DCC: variants seen among roughly 807,000 people sequenced by gnomAD.
DCC encodes DCC netrin 1 receptor, also known as netrin receptor DCC.
In DCC, 58 loss-of-function variants were observed where a neutral mutation model predicts 172.5. The ratio of observed to expected loss-of-function variants is 0.34; its 90% confidence interval spans 0.27 to 0.42. The LOEUF is 0.42. DCC is among the 10% of genes least tolerant of loss of function. The probability of loss-of-function intolerance (pLI) is 1.00; values close to 1 mark genes in which losing one functional copy is unlikely to be tolerated. For synonymous variants in DCC, 709 were observed against 644.5 expected, an observed-to-expected ratio of 1.10 and a Z score of -1.52; for missense variants, 1,740 against 1,791.0, an observed-to-expected ratio of 0.97 and a Z score of 0.51.
At chr18:53,331,315 C>T (rs561662499) in intron 14 of DCC, among the ~76,000 whole-genome samples, 1 of 152,314 alleles carries the variant, frequency 6.6e-6, no homozygotes, top group Admixed American at 6.5e-5. Flanking sequence ...ATTCATTTAG[C>T]ATACCACTTG....
chr18:52,530,348 G>T (rs942893348), intron 1 of DCC, among the ~76,000 whole-genome samples: 1 of 152,160 alleles, frequency 6.6e-6, no homozygotes, highest in Non-Finnish European at 1.5e-5. Context: ...AAGAAAAACA[G>T]TAAGTTGGAG....
intron 20 of DCC, among the ~76,000 whole-genome samples, chr18:53,414,329 A>G (rs1910171565): frequency 6.6e-6 from 1 of 152,150 alleles, no homozygotes; most frequent in Non-Finnish European, 1.5e-5. Flanking sequence ...GTAAGGTGGT[A>G]GATCATATAC....
chr18:52,452,388 G>A (rs908666839), intron 1 of DCC, among the ~76,000 whole-genome samples: 16 of 151,970 alleles, frequency 1.1e-4, no homozygotes, highest in East Asian at 3.9e-4. Context: ...AAATTATTCC[G>A]AAAGAAGTTC....
intron 1 of DCC, among the ~76,000 whole-genome samples, chr18:52,656,466 C>T (rs931154805): frequency 2.6e-5 from 4 of 152,120 alleles, no homozygotes; most frequent in African/African-American, 9.7e-5. Flanking sequence ...GTTTATAAGC[C>T]ACTCAGTCTA....
intron 5 of DCC, among the ~76,000 whole-genome samples, chr18:53,009,601 A>C (rs2041697620): frequency 6.6e-6 from 1 of 151,954 alleles, no homozygotes; most frequent in Non-Finnish European, 1.5e-5. Flanking sequence ...TTTTGTACCA[A>C]TGCATGTTTC....
At chr18:52,960,293 A>T (rs745374658) in intron 5 of DCC, among the ~76,000 whole-genome samples, 1 of 152,128 alleles carries the variant, frequency 6.6e-6, no homozygotes, top group Non-Finnish European at 1.5e-5. Context: ...TGTAATTAAA[A>T]TTTTTTAACA....
chr18:53,235,424 G>C (rs1021078179), intron 12 of DCC, among the ~76,000 whole-genome samples: 1 of 152,094 alleles, frequency 6.6e-6, no homozygotes, highest in African/African-American at 2.4e-5. Context: ...CAAGAAGAAA[G>C]AACTCCTAGA....
intron 2 of DCC, among the ~76,000 whole-genome samples, chr18:52,804,910 T>C (rs1254444231): frequency 3.3e-5 from 5 of 152,218 alleles, no homozygotes; most frequent in Non-Finnish European, 7.3e-5. Flanking sequence ...AAAATATGCC[T>C]GGTGTTTCTT....
chr18:52,641,658 C>A lies in DCC; in HGVS notation c.92-110396C>A, dbSNP rs537131101. 5.5e-4 allele frequency among the ~76,000 whole-genome samples: 83 copies of A among 152,146 alleles called. 1 individual carries two copies. The South Asian group carries it at 8.7e-3, about 16-fold the overall frequency. On this transcript the variant is annotated intron_variant, in intron 1 of 28. Coordinates refer to ENST00000442544, the MANE Select transcript of DCC (RefSeq NM_005215.4). ...ATCAGGGAAATGCAAATCAAAACCACAATGCAATACCACCTTATTCCTGCA... is the reference window on the plus strand; with the variant it reads ...ATCAGGGAAATGCAAATCAAAACCAAAATGCAATACCACCTTATTCCTGCA...
At chr18:52,553,671 C>A (rs1013925961) in intron 1 of DCC, among the ~76,000 whole-genome samples, 1 of 151,842 alleles carries the variant, frequency 6.6e-6, no homozygotes, top group African/African-American at 2.4e-5. Context: ...ACAATAATGA[C>A]AGTGTAAGGA....
intron 1 of DCC, among the ~76,000 whole-genome samples, chr18:52,433,594 G>C (rs1987694714): frequency 6.6e-6 from 1 of 151,434 alleles, no homozygotes; most frequent in Non-Finnish European, 1.5e-5. Context: ...AACCATGTAT[G>C]AATTCTAACA....
chr18:53,137,710 T>G (rs2043765516), intron 7 of DCC, among the ~76,000 whole-genome samples: 1 of 152,184 alleles, frequency 6.6e-6, no homozygotes, highest in Admixed American at 6.5e-5. Flanking sequence ...TTGAAATAAG[T>G]AACTTTCTAA....
chr18:53,087,552 T>G (rs933832469), intron 7 of DCC, among the ~76,000 whole-genome samples: 2 of 152,294 alleles, frequency 1.3e-5, no homozygotes, highest in Admixed American at 6.5e-5. Context: ...TTTTGTAGGT[T>G]GCCTGTTTAC....
At chr18:52,377,985 C>G (rs779130849) in intron 1 of DCC, among the ~76,000 whole-genome samples, 36 of 152,228 alleles carry the variant, frequency 2.4e-4, no homozygotes, top group South Asian at 4.1e-4. Context: ...TAGGTATGAG[C>G]CTCTGCGCCT....
chr18:52,459,138 C>A (rs1315584004), intron 1 of DCC, among the ~76,000 whole-genome samples: 3 of 152,106 alleles, frequency 2.0e-5, no homozygotes, highest in Non-Finnish European at 4.4e-5. Context: ...TCTGATAACT[C>A]TCACATCATC....
chr18:53,477,901 C>G (rs1041787638), intron 25 of DCC, among the ~76,000 whole-genome samples: 1 of 152,222 alleles, frequency 6.6e-6, no homozygotes, highest in Non-Finnish European at 1.5e-5. Flanking sequence ...CCTAGTTACC[C>G]TTACCATAAA....
At chr18:52,374,805 C>T (rs1985276734) in intron 1 of DCC, among the ~76,000 whole-genome samples, 1 of 152,162 alleles carries the variant, frequency 6.6e-6, no homozygotes. Context: ...AAGATTAATA[C>T]ATGAAATGGC....
At chr18:52,976,860 A>G (rs936431361) in intron 5 of DCC, among the ~76,000 whole-genome samples, 4 of 152,214 alleles carry the variant, frequency 2.6e-5, no homozygotes, top group African/African-American at 9.6e-5. Context: ...TCTATTTGTG[A>G]AGGGTACACA....
intron 5 of DCC, among the ~76,000 whole-genome samples, chr18:53,024,031 A>G (rs2143932901): frequency 6.6e-6 from 1 of 152,308 alleles, no homozygotes; most frequent in Admixed American, 6.5e-5. Flanking sequence ...TTAGATGGGT[A>G]GAATCAACAA....
Sources: gnomAD v4.1 joint callset for allele counts (sites outside exome capture counted in the v4.1 genomes callset) on GRCh38, gnomAD v4.1.1 for gene constraint, MANE v1.5 for transcripts, NCBI Gene and HGNC (gene_info 2026-07-23, HGNC 2026-07-21) for gene names.